PDE4DIP: variants seen among roughly 807,000 people sequenced by gnomAD.
PDE4DIP encodes phosphodiesterase 4D interacting protein.
A neutral mutation model predicts 221.4 loss-of-function variants in PDE4DIP; 59 were observed. The ratio of observed to expected loss-of-function variants is 0.27; its 90% CI spans 0.22 to 0.33. The LOEUF is 0.33. PDE4DIP is among the 10% of genes least tolerant of loss of function. PDE4DIP has a pLI of 1.00. For synonymous variants in PDE4DIP, 404 were observed against 815.9 expected (o/e 0.50, Z 8.60); for missense variants, 1,036 against 2,154.2 (o/e 0.48, Z 10.28).
In PDE4DIP at chr1:148,892,032, G is replaced by A. The variant is rs587694914; in HGVS notation, c.141+2138G>A. ...TTGTTGTTGTTGTTGTTCTGAGACA[G>A]AGTCTCACTCTGTCGCCCAGGCTAG... On this transcript the variant is annotated intron_variant, in intron 1 of 43. Transcript: ENST00000369354. Among the ~76,000 whole-genome samples, 9 of 104,448 alleles carry A rather than the reference G, an allele frequency of 8.6e-5. 1 individual carries two copies. The highest frequency in any genetic ancestry group is 1.8e-5 in the Non-Finnish European group (1 of 54,684). 68.5% of individuals were successfully genotyped at this position (104,448 alleles called of 152,430 possible).
chr1:148,930,793 T>C (rs2047822246), intron 2 of PDE4DIP: 1 of 143,088 alleles, frequency 7.0e-6, no homozygotes, highest in Non-Finnish European at 1.5e-5. Flanking sequence ...AATCTACAGA[T>C]TCAACACTAT....
At chr1:148,969,058 G>C in intron 14 of PDE4DIP, 28 bp downstream of exon 17, 2 of 1,571,058 alleles carry the variant, frequency 1.3e-6, no homozygotes, top group Non-Finnish European at 1.8e-6. Flanking sequence ...GATCAGACAA[G>C]TGTCATGTAG....
Position 149,030,151 on chromosome 1 carries a change from G to A in PDE4DIP, c.6953-81G>A, listed in dbSNP as rs1368963923. The A allele has an allele frequency of 1.5e-5, 18 of 1,189,860 alleles. No homozygotes were observed. The Admixed American group carries it at 3.0e-4, about 20-fold the overall frequency. 73.7% of individuals were successfully genotyped at this position (1,189,860 alleles called of 1,614,324 possible). A position where few individuals can be genotyped will look rare whatever the true frequency, so the allele number is the denominator to read the frequency against. On this transcript the variant is annotated intron_variant, in intron 42 of 43. Coordinates refer to ENST00000369354, the Ensembl canonical transcript of PDE4DIP. ...GCTGAATAGCCAGAAAGAAATAAAT[G>A]CTTTAGAATTCTCATGCTAAGCAAG...
intron 1 of PDE4DIP, among the ~76,000 whole-genome samples, chr1:148,915,139 TTTG>T: frequency 9.7e-6 from 1 of 102,756 alleles, no homozygotes; most frequent in South Asian, 3.0e-4. Context: ...GGTTTTTTTG[TTTG>T]TTTGTTTGTT....
intron 5 of PDE4DIP, among the ~76,000 whole-genome samples, chr1:148,949,400 C>T (rs1369816498): frequency 2.7e-5 from 4 of 149,250 alleles, no homozygotes; most frequent in African/African-American, 9.9e-5. Flanking sequence ...ATTTTAGGTT[C>T]AAGTTTTACC....
exon 31 of PDE4DIP, chr1:149,010,583 C>A: frequency 6.2e-7 from 1 of 1,614,036 alleles, no homozygotes; most frequent in Non-Finnish European, 8.5e-7. Flanking sequence ...GGAGGCCAAC[C>A]AGGCCCATTC....
chr1:148,827,728 A>G, intron 1 of PDE4DIP, among the ~76,000 whole-genome samples: 1 of 115,480 alleles, frequency 8.7e-6, no homozygotes, highest in Non-Finnish European at 2.0e-5. Context: ...TGTGTGTGTA[A>G]AGAGAGAAAA....
At chr1:148,963,515 A>G (rs2057424496) in intron 9 of PDE4DIP, among the ~76,000 whole-genome samples, 1 of 151,476 alleles carries the variant, frequency 6.6e-6, no homozygotes, top group South Asian at 2.1e-4. Context: ...AGGAATATCT[A>G]GGAAAGGAGT....
chr1:148,859,589 C>T (rs1553398583), intron 1 of PDE4DIP, among the ~76,000 whole-genome samples: 1 of 152,020 alleles, frequency 6.6e-6, no homozygotes. Context: ...TAAGTGAAAG[C>T]ATCATGGGAG....
intron 14 of PDE4DIP, among the ~76,000 whole-genome samples, chr1:148,971,335 A>G (rs1424843215): frequency 6.6e-6 from 1 of 150,654 alleles, no homozygotes; most frequent in Non-Finnish European, 1.5e-5. Flanking sequence ...CATGTAGGGG[A>G]AGCAGAGAGA....
exon 24 of PDE4DIP, chr1:149,001,693 C>T (rs146755927): frequency 5.0e-6 from 8 of 1,599,384 alleles, no homozygotes; most frequent in South Asian, 1.1e-5. Context: ...AGGAGAAGGG[C>T]GAGGTGATGG....
rs587704942 is a variant in PDE4DIP, at chr1:149,014,002, G to C, written c.5266+1226G>C. ...AGGGTTTCGCCATGTTGCCAAGACTGGTCTAGAGCTCCTGAGCTCAAGTGA... is the reference window on the plus strand; with the variant it reads ...AGGGTTTCGCCATGTTGCCAAGACTCGTCTAGAGCTCCTGAGCTCAAGTGA... On this transcript the variant is annotated intron_variant, in intron 32 of 43. Coordinates refer to ENST00000369354, the Ensembl canonical transcript of PDE4DIP. Among the ~76,000 whole-genome samples, 5 of 152,020 alleles carry C rather than the reference G, an allele frequency of 3.3e-5. No individual in the cohort carries two copies. The South Asian group carries it at 8.3e-4, about 25-fold the overall frequency.
Position 148,950,314 on chromosome 1 carries a change from TA to T in PDE4DIP, c.637-10338del, listed in dbSNP as rs1461941324. On this transcript the variant is annotated intron_variant, in intron 5 of 43. Coordinates refer to ENST00000369354, the Ensembl canonical transcript of PDE4DIP. ...ACCATAGATTCCAAAGCATGTTGCT[TA>T]ATTTCTTCCAACTTTGAAGCTCACA... 2.6e-5 allele frequency among the ~76,000 whole-genome samples: 4 copies of T among 151,730 alleles called. No individual in the cohort carries two copies. The East Asian group carries it at 7.9e-4, about 30-fold the overall frequency.
intron 37 of PDE4DIP, among the ~76,000 whole-genome samples, chr1:149,023,245 C>A (rs1378715131): frequency 1.2e-4 from 19 of 152,138 alleles, no homozygotes; most frequent in Non-Finnish European, 2.1e-4. Context: ...GATGATCTGA[C>A]ATGAGGATAT....
intron 21 of PDE4DIP, chr1:148,985,304 G>A: frequency 6.6e-6 from 1 of 152,096 alleles, no homozygotes; most frequent in East Asian, 1.9e-4. Context: ...GAGTCAGTAG[G>A]ATAATATATT....
intron 1 of PDE4DIP, among the ~76,000 whole-genome samples, chr1:148,905,178 GTTT>G (rs56687289): frequency 9.5e-5 from 9 of 94,526 alleles, no homozygotes; most frequent in Non-Finnish European, 1.6e-4. Context: ...TCTCTTCTAG[GTTT>G]TTTTTTTTTT....
exon 18 of PDE4DIP, chr1:148,978,029 A>T: frequency 6.2e-7 from 1 of 1,614,058 alleles, no homozygotes; most frequent in Non-Finnish European, 8.5e-7. Context: ...CCAGGAACAT[A>T]CAGATTAAAG....
intron 5 of PDE4DIP, among the ~76,000 whole-genome samples, chr1:148,954,645 G>A (rs1200330458): frequency 6.6e-6 from 1 of 152,124 alleles, no homozygotes; most frequent in African/African-American, 2.4e-5. Context: ...CCCATTATTG[G>A]ATCAGAGGAG....
At chr1:149,030,713 C>A in intron 43 of PDE4DIP, 1 of 984,642 alleles carries the variant, frequency 1.0e-6, no homozygotes, top group South Asian at 4.7e-5. Context: ...AAACTGATTT[C>A]ACTGCACATT....
Sources: allele counts gnomAD v4.1 joint callset (sites outside exome capture counted in the v4.1 genomes callset), GRCh38; gene constraint gnomAD v4.1.1; transcripts MANE v1.5; gene names NCBI Gene and HGNC (gene_info 2026-07-23, HGNC 2026-07-21).